Variants in LOC400499 observed in about 807,000 individuals in gnomAD.
At chr16:11,383,763 G>A in the LOC400499 span, 1 of 1,232,314 alleles carries the variant, frequency 8.1e-7, no homozygotes, top group Non-Finnish European at 1.0e-6. Context: ...CACACAGGCT[G>A]AGGAATGGTG....
the LOC400499 span, among the ~76,000 whole-genome samples, chr16:11,406,915 G>A: frequency 6.6e-6 from 1 of 152,194 alleles, no homozygotes; most frequent in Non-Finnish European, 1.5e-5. Flanking sequence ...ATTTCGGGGA[G>A]TCAATCTCCC....
the LOC400499 span, among the ~76,000 whole-genome samples, chr16:11,403,504 C>T: frequency 6.6e-6 from 1 of 152,220 alleles, no homozygotes; most frequent in African/African-American, 2.4e-5. Context: ...CACACACATA[C>T]ACGCATGCAC....
At chr16:11,492,231 C>A in the LOC400499 span, among the ~76,000 whole-genome samples, 1 of 152,020 alleles carries the variant, frequency 6.6e-6, no homozygotes, top group East Asian at 1.9e-4. Flanking sequence ...CCCTCAATAC[C>A]TATTGGCTTC....
At chr16:11,446,537 T>A in the LOC400499 span, 2 of 1,535,604 alleles carry the variant, frequency 1.3e-6, no homozygotes, top group Non-Finnish European at 1.7e-6. Context: ...GTCTCTGGGG[T>A]CTCTGCTCTT....
the LOC400499 span, among the ~76,000 whole-genome samples, chr16:11,463,765 G>A: frequency 5.9e-5 from 9 of 152,258 alleles, no homozygotes; most frequent in East Asian, 1.4e-3. Flanking sequence ...GTGTATATAT[G>A]AACGTATATA....
chr16:11,476,699 C>T, the LOC400499 span: 3 of 399,360 alleles, frequency 7.5e-6, no homozygotes, highest in Admixed American at 4.4e-5. Flanking sequence ...AGCACACACA[C>T]CACACACCTG....
the LOC400499 span, among the ~76,000 whole-genome samples, chr16:11,382,020 G>A: frequency 1.3e-5 from 2 of 151,376 alleles, no homozygotes; most frequent in Non-Finnish European, 2.9e-5. Context: ...TCGGCTCACT[G>A]CAACCTCCTG....
chr16:11,463,649 G>C, the LOC400499 span, among the ~76,000 whole-genome samples: 1 of 152,192 alleles, frequency 6.6e-6, no homozygotes, highest in African/African-American at 2.4e-5. Flanking sequence ...CACGTGGATT[G>C]TGTGAATATG....
chr16:11,409,294 AT>A, the LOC400499 span, among the ~76,000 whole-genome samples: 1 of 152,062 alleles, frequency 6.6e-6, no homozygotes, highest in Non-Finnish European at 1.5e-5. Flanking sequence ...AAATAAAAAA[AT>A]AAAACATTGG....
chr16:11,460,656 C>T, the LOC400499 span: 1 of 1,486,264 alleles, frequency 6.7e-7, no homozygotes, highest in South Asian at 1.3e-5. Context: ...TGCCAGGCAG[C>T]CCTCCACCAG....
chr16:11,378,269 C>CGGGGGGG, the LOC400499 span, among the ~76,000 whole-genome samples: 1 of 59,174 alleles, frequency 1.7e-5, no homozygotes, highest in African/African-American at 5.4e-5. Flanking sequence ...TTTTTTTTGC[C>CGGGGGGG]GGGGGGAGGG....
At chr16:11,503,525 C>G in the LOC400499 span, among the ~76,000 whole-genome samples, 1 of 152,194 alleles carries the variant, frequency 6.6e-6, no homozygotes, top group Admixed American at 6.5e-5. Context: ...TTGGCCAGGG[C>G]CAGGCCTGAA....
chr16:11,519,372 AG>A, the LOC400499 span, among the ~76,000 whole-genome samples: 2 of 152,034 alleles, frequency 1.3e-5, no homozygotes, highest in African/African-American at 4.8e-5. Context: ...GAGGGTGGGG[AG>A]GGGGTTGCAA....
At chr16:11,515,895 A>C in the LOC400499 span, 10 of 97,158 alleles carry the variant, frequency 1.0e-4, no homozygotes, top group African/African-American at 7.4e-4. Flanking sequence ...AGCCCAGCCT[A>C]GCCCAGCCCA....
the LOC400499 span, among the ~76,000 whole-genome samples, chr16:11,424,720 C>G: frequency 6.6e-6 from 1 of 152,144 alleles, no homozygotes; most frequent in African/African-American, 2.4e-5. Flanking sequence ...GGGGCCCCTC[C>G]AGGCCTGGAG....
At chr16:11,467,532 A>C in the LOC400499 span, among the ~76,000 whole-genome samples, 1 of 152,144 alleles carries the variant, frequency 6.6e-6, no homozygotes, top group Non-Finnish European at 1.5e-5. Context: ...GGATCGCTGG[A>C]GACCAGGAGG....
At chr16:11,520,656 G>A in the LOC400499 span, among the ~76,000 whole-genome samples, 1 of 110,368 alleles carries the variant, frequency 9.1e-6, no homozygotes, top group Non-Finnish European at 1.7e-5. Flanking sequence ...GACAGAGTGA[G>A]ACTCCATCAA....
chr16:11,426,568 A>G, the LOC400499 span, among the ~76,000 whole-genome samples: 1 of 152,060 alleles, frequency 6.6e-6, no homozygotes, highest in Non-Finnish European at 1.5e-5. Context: ...TAGCATATTT[A>G]TTCAATATTA....
chr16:11,459,529 A>G, the LOC400499 span, among the ~76,000 whole-genome samples: 1 of 152,200 alleles, frequency 6.6e-6, no homozygotes, highest in Non-Finnish European at 1.5e-5. Flanking sequence ...ATACAAGGTT[A>G]AATGTGTGCT....
Sources: allele counts gnomAD v4.1 joint callset (sites outside exome capture counted in the v4.1 genomes callset), GRCh38; gene constraint gnomAD v4.1.1; transcripts MANE v1.5.